The following SYK variants were observed in gnomAD, a reference collection of about 807,000 sequenced individuals.
SYK encodes the protein tyrosine-protein kinase SYK.
SYK carries 16 observed loss-of-function variants against 77.8 expected under a neutral mutation model. The ratio of observed to expected loss-of-function variants is 0.21; its 90% confidence interval spans 0.14 to 0.31. The LOEUF is 0.31. SYK is among the 10% of genes least tolerant of loss of function. The pLI, the probability that SYK is intolerant of heterozygous loss-of-function variation, is 1.00. For synonymous variants in SYK, 312 were observed against 308.7 expected, an observed-to-expected ratio of 1.01 and a Z score of -0.11; for missense variants, 529 against 814.4, an observed-to-expected ratio of 0.65 and a Z score of 4.26.
chr9:90,868,653 A>T (rs945782963), intron 7 of SYK, among the ~76,000 whole-genome samples: 1 of 152,222 alleles, frequency 6.6e-6, no homozygotes, highest in Admixed American at 6.5e-5. Flanking sequence ...AGTTAAAACT[A>T]TGGTGCTTAA....
intron 3 of SYK, among the ~76,000 whole-genome samples, chr9:90,848,310 CA>C (rs1216476755): frequency 2.0e-5 from 3 of 152,194 alleles, no homozygotes; most frequent in Non-Finnish European, 4.4e-5. Context: ...TCTTGTAAAC[CA>C]TCACCAGATC....
upstream of SYK, among the ~76,000 whole-genome samples, chr9:90,801,622 C>T (rs1414174980): frequency 6.6e-6 from 1 of 152,208 alleles, no homozygotes; most frequent in Admixed American, 6.5e-5. Flanking sequence ...CTACACCTGC[C>T]GCCGCCTGGG....
chr9:90,854,692 G>A (rs1037076400), intron 3 of SYK, among the ~76,000 whole-genome samples: 6 of 152,040 alleles, frequency 3.9e-5, no homozygotes, highest in African/African-American at 1.4e-4. Flanking sequence ...AGTGCAGTTT[G>A]CCCTCAGAGG....
chr9:90,884,482 C>CATATGTGTGTATATATACAT (rs1564121271), intron 11 of SYK, among the ~76,000 whole-genome samples: 1 of 6,686 alleles, frequency 1.5e-4, no homozygotes, highest in Non-Finnish European at 2.2e-4. Context: ...TATACATACA[C>CATATGTGTGTATATATACAT]ACACATACAC....
At chr9:90,813,931 C>T (rs1331601168) in intron 1 of SYK, among the ~76,000 whole-genome samples, 4 of 152,120 alleles carry the variant, frequency 2.6e-5, no homozygotes, top group Non-Finnish European at 4.4e-5. Context: ...GTCACTCCCC[C>T]GGGGGGCATC....
intron 3 of SYK, among the ~76,000 whole-genome samples, chr9:90,850,238 G>C (rs1453598843): frequency 6.6e-6 from 1 of 152,230 alleles, no homozygotes; most frequent in African/African-American, 2.4e-5. Context: ...AATTATTTCG[G>C]CCGGGCATGG....
rs184982410 is a variant in SYK at position 90,874,551 on chromosome 9, T to G, written c.1004-121T>G. The G allele has an allele frequency of 3.8e-5, 49 of 1,280,314 alleles. No homozygotes were observed. In the African/African-American group the frequency reaches 7.0e-4, roughly 18 times the overall value. The allele number at this position is 1,280,314 out of a possible 1,614,324, so 79.3% of individuals were successfully genotyped here. On this transcript the variant is annotated intron_variant, in intron 8 of 13. Coordinates refer to ENST00000375754, the MANE Select transcript of SYK (RefSeq NM_003177.7). The stretch of plus-strand genomic sequence containing the variant: ...TGTCCCTGCCACTCTTCAGAATTTC[T>G]CATCCCTTGCAACATTGATGCTACT...
intron 13 of SYK, among the ~76,000 whole-genome samples, chr9:90,893,076 C>T (rs1023072779): frequency 1.3e-5 from 2 of 152,208 alleles, no homozygotes; most frequent in Non-Finnish European, 2.9e-5. Context: ...AGGTGCAAGC[C>T]TCACAGAAGC....
At chr9:90,812,148 T>A (rs114751542) in intron 1 of SYK, among the ~76,000 whole-genome samples, 3,343 of 152,212 alleles carry the variant, frequency 0.022, 113 homozygotes, top group African/African-American at 0.076. Flanking sequence ...AGAATTGGTT[T>A]AGAGAAAAAG....
chr9:90,823,307 T>C (rs1377166530), intron 1 of SYK, among the ~76,000 whole-genome samples: 4 of 152,244 alleles, frequency 2.6e-5, no homozygotes, highest in East Asian at 1.9e-4. Flanking sequence ...TCCTGTCTTA[T>C]AGTTAGAGAT....
intron 1 of SYK, among the ~76,000 whole-genome samples, chr9:90,837,539 A>G (rs1826128955): frequency 6.6e-6 from 1 of 151,872 alleles, no homozygotes; most frequent in Non-Finnish European, 1.5e-5. Context: ...TGTGGTGGAG[A>G]TAGTGAGCAA....
chr9:90,844,224 G>A lies in SYK; in HGVS notation c.326G>A (p.Arg109Gln), dbSNP rs756646754. The A allele has an allele frequency of 3.1e-6, 5 of 1,614,060 alleles. No homozygotes were observed. The highest frequency in any genetic ancestry group is 1.1e-5 in the South Asian group (1 of 91,090). ...TGCCTCCTCAAGAAGCCCTTCAACC[G>A]GCCCCAAGGGGTGCAGCCCAAGACT... The part of the protein sequence containing the change: ...LVCLLKKPFN[R>Q]PQGVQPKTGP... The change falls in exon 2 of 14, where the codon CGG becomes CAG. Residue 109 changes from arginine to glutamine, a missense_variant. By Grantham distance (43) the Arg-to-Gln change is conservative. Coordinates refer to ENST00000375754, the MANE Select transcript of SYK (RefSeq NM_003177.7).
At position 90,895,027 on chromosome 9, in the gene SYK, G is replaced by A. The variant is rs571761659; in HGVS notation, c.1836-501G>A. On this transcript the variant is annotated intron_variant, in intron 13 of 13. Coordinates refer to ENST00000375754, the MANE Select transcript of SYK (RefSeq NM_003177.7). This position sits in a 1 kb window ranked among gnomAD's most constrained non-coding sequence, Gnocchi z 4.4. ...CATTTTCAGAAAATCCAGAGCCATC[G>A]ATTAGAGCGTGGAAAGGGAGAATTA... is the stretch of plus-strand genomic sequence containing the variant. Among the ~76,000 whole-genome samples, 1 of 152,314 alleles carries A rather than the reference G, an allele frequency of 6.6e-6. No individual in the cohort carries two copies. Among genetic ancestry groups the A allele is most frequent in the African/African-American group, 2.4e-5 (1 of 41,566 alleles).
intron 3 of SYK, among the ~76,000 whole-genome samples, chr9:90,852,293 T>C (rs1826851092): frequency 1.3e-5 from 2 of 152,200 alleles, no homozygotes; most frequent in Admixed American, 1.3e-4. Flanking sequence ...GGCCGTGCAG[T>C]CACATTGCTG....
chr9:90,870,754 C>A lies in SYK; in HGVS notation c.916-3450C>A, dbSNP rs373170138. On this transcript the variant is annotated intron_variant, in intron 7 of 13. Transcript: ENST00000375754. Reference sequence around the variant, plus strand: ...GGGTAATTCCACCAAAAAAAGGAAACCAAACCTAGTTTATTGCAGCCAATA... The same window carrying A: ...GGGTAATTCCACCAAAAAAAGGAAAACAAACCTAGTTTATTGCAGCCAATA... Among the ~76,000 whole-genome samples the A allele has an allele frequency of 1.8e-4, 28 of 152,302 alleles. No homozygotes were observed. In the South Asian group the frequency reaches 4.8e-3, roughly 26 times the overall value.
At chr9:90,807,988 G>A (rs947343446) in intron 1 of SYK, among the ~76,000 whole-genome samples, 1 of 152,166 alleles carries the variant, frequency 6.6e-6, no homozygotes, top group Non-Finnish European at 1.5e-5. Flanking sequence ...TTATTAATAT[G>A]TTGGGGTGCG....
intron 1 of SYK, among the ~76,000 whole-genome samples, chr9:90,841,643 C>T (rs935118217): frequency 4.4e-5 from 6 of 136,676 alleles, no homozygotes; most frequent in Non-Finnish European, 9.5e-5. Context: ...TGTAGTGTAG[C>T]ATGTGTTTAG....
At chr9:90,852,692 C>T (rs1260209278) in intron 3 of SYK, among the ~76,000 whole-genome samples, 3 of 152,138 alleles carry the variant, frequency 2.0e-5, no homozygotes, top group East Asian at 1.9e-4. Context: ...TGGATGGAGT[C>T]GTCCAACCAG....
intron 1 of SYK, among the ~76,000 whole-genome samples, chr9:90,813,295 G>T (rs142872562): frequency 1.3e-5 from 2 of 152,130 alleles, no homozygotes; most frequent in African/African-American, 2.4e-5. Context: ...GGGATGGGCC[G>T]CTGCTGCTAC....
Sources: gnomAD v4.1 joint callset for allele counts (sites outside exome capture counted in the v4.1 genomes callset) on GRCh38, gnomAD v4.1.1 for gene constraint, Gnocchi (gnomAD v3.1) non-coding constraint, MANE v1.5 for transcripts, NCBI Gene and HGNC (gene_info 2026-07-23, HGNC 2026-07-21) for gene names.